The following KDM4C variants were observed in gnomAD, a reference collection of about 807,000 sequenced individuals.
The protein encoded by KDM4C is lysine-specific demethylase 4C.
KDM4C carries 81 observed loss-of-function variants against 129.3 expected under a neutral mutation model. The ratio of observed to expected loss-of-function variants is 0.63; its 90% CI spans 0.52 to 0.75. The LOEUF (loss-of-function observed/expected upper bound fraction) is 0.75. Ranked by LOEUF, KDM4C falls within the 30% of genes least tolerant of loss-of-function variation. The pLI, the probability that KDM4C is intolerant of heterozygous loss-of-function variation, is 0.00. For synonymous variants in KDM4C, 573 were observed against 456.1 expected (o/e 1.26, Z -3.26); for missense variants, 1,457 against 1,304.0 (o/e 1.12, Z -1.81).
chr9:6,839,164 A>C (rs1470619722), intron 4 of KDM4C, among the ~76,000 whole-genome samples: 1 of 152,196 alleles, frequency 6.6e-6, no homozygotes, highest in Non-Finnish European at 1.5e-5. Flanking sequence ...AAAGTCTTCT[A>C]ATGTGGGCTT....
intron 19 of KDM4C, among the ~76,000 whole-genome samples, chr9:7,152,762 CGA>C (rs1842835767): frequency 6.6e-6 from 1 of 152,068 alleles, no homozygotes; most frequent in Admixed American, 6.5e-5. Flanking sequence ...TGGAAGGAGG[CGA>C]AGGAACATGG....
At chr9:7,131,340 C>G (rs1840612303) in intron 19 of KDM4C, among the ~76,000 whole-genome samples, 1 of 152,204 alleles carries the variant, frequency 6.6e-6, no homozygotes, top group African/African-American at 2.4e-5. Flanking sequence ...CCTCAGCTCA[C>G]TATTGCTGAC....
At chr9:7,015,257 A>G (rs1364298271) in intron 14 of KDM4C, among the ~76,000 whole-genome samples, 1 of 152,132 alleles carries the variant, frequency 6.6e-6, no homozygotes, top group Non-Finnish European at 1.5e-5. Flanking sequence ...TCATTTAAAT[A>G]TTTCAGAATT....
intron 8 of KDM4C, among the ~76,000 whole-genome samples, chr9:6,962,141 AAAG>A (rs1333344766): frequency 1.3e-5 from 2 of 152,234 alleles, no homozygotes; most frequent in Non-Finnish European, 2.9e-5. Flanking sequence ...TTGATTGAAA[AAAG>A]CAATAGGAGT....
At chr9:7,056,350 C>A (rs199586356) in intron 17 of KDM4C, among the ~76,000 whole-genome samples, 44 of 147,552 alleles carry the variant, frequency 3.0e-4, no homozygotes, top group South Asian at 4.3e-4. Context: ...AAGTGTAGTG[C>A]AAAAAAAAAA....
intron 8 of KDM4C, among the ~76,000 whole-genome samples, chr9:6,940,738 T>C (rs771350242): frequency 8.5e-5 from 13 of 152,230 alleles, no homozygotes; most frequent in Non-Finnish European, 1.5e-4. Context: ...TAAGTATCCA[T>C]ATATCATAAG....
chr9:6,816,931 G>A (rs1438350260), intron 4 of KDM4C, among the ~76,000 whole-genome samples: 2 of 151,416 alleles, frequency 1.3e-5, no homozygotes, highest in Non-Finnish European at 2.9e-5. Context: ...TCCTGCGTAT[G>A]AGGTAGTAGC....
chr9:6,750,654 G>T (rs1239021835), intron 1 of KDM4C, among the ~76,000 whole-genome samples: 1 of 152,210 alleles, frequency 6.6e-6, no homozygotes, highest in African/African-American at 2.4e-5. Flanking sequence ...ACACTGAGGA[G>T]AAAAGTAATA....
rs139862474 is a variant in KDM4C, at chr9:6,806,078, G to A, written c.320+304G>A. Among the ~76,000 whole-genome samples the A allele has an allele frequency of 3.3e-4, 51 of 152,306 alleles. No homozygotes were observed. The East Asian group carries it at 4.6e-3, about 14-fold the overall frequency. On this transcript the variant is annotated intron_variant, in intron 3 of 21. Transcript: ENST00000381309. Reference sequence around the variant, plus strand: ...GTTTGTTGGGCAGTTTTTTTGGTGTGTGTTTGATAATGTTTAAGCCTTAAA... The same window carrying A: ...GTTTGTTGGGCAGTTTTTTTGGTGTATGTTTGATAATGTTTAAGCCTTAAA...
At chr9:6,938,877 A>G (rs1658533531) in intron 8 of KDM4C, among the ~76,000 whole-genome samples, 1 of 152,150 alleles carries the variant, frequency 6.6e-6, no homozygotes, top group South Asian at 2.1e-4. Flanking sequence ...GTTCTTTCAT[A>G]GAGGTTAACT....
chr9:6,761,721 G>A (rs541433155), intron 1 of KDM4C, among the ~76,000 whole-genome samples: 1 of 152,166 alleles, frequency 6.6e-6, no homozygotes, highest in East Asian at 1.9e-4. Context: ...GGTACATTCT[G>A]TACTTTGATT....
intron 19 of KDM4C, among the ~76,000 whole-genome samples, chr9:7,146,858 T>A (rs781759925): frequency 2.0e-5 from 3 of 152,198 alleles, no homozygotes; most frequent in Non-Finnish European, 4.4e-5. Flanking sequence ...CCTCTGTAGT[T>A]CTGTGTTCTG....
chr9:7,102,404 G>A (rs1384863184), intron 17 of KDM4C, among the ~76,000 whole-genome samples: 1 of 145,812 alleles, frequency 6.9e-6, no homozygotes, highest in Non-Finnish European at 1.5e-5. Flanking sequence ...GGTGACATGA[G>A]ATTCGTGTTG....
chr9:7,015,395 A>G (rs572713116), intron 14 of KDM4C, among the ~76,000 whole-genome samples: 3 of 152,272 alleles, frequency 2.0e-5, no homozygotes, highest in Admixed American at 2.0e-4. Flanking sequence ...AGACAAATCG[A>G]ATTGAAAATA....
chr9:7,165,929 C>A (rs1374507147), intron 20 of KDM4C, among the ~76,000 whole-genome samples: 2 of 152,022 alleles, frequency 1.3e-5, no homozygotes, highest in African/African-American at 2.4e-5. Context: ...ACCAGGGAAC[C>A]CTACGTAGTA....
At chr9:6,923,275 C>T (rs1467945523) in intron 8 of KDM4C, among the ~76,000 whole-genome samples, 1 of 151,748 alleles carries the variant, frequency 6.6e-6, no homozygotes, top group Non-Finnish European at 1.5e-5. Flanking sequence ...GAATGTTGCA[C>T]TGTTGCTGCA....
intron 1 of KDM4C, among the ~76,000 whole-genome samples, chr9:6,721,357 C>T (rs1271512821): frequency 1.4e-5 from 2 of 145,812 alleles, no homozygotes; most frequent in Admixed American, 7.0e-5. Context: ...AATCTGGGCT[C>T]ACTGCAACCT....
At chr9:6,904,982 A>G (rs1376434920) in intron 8 of KDM4C, among the ~76,000 whole-genome samples, 4 of 151,172 alleles carry the variant, frequency 2.6e-5, no homozygotes, top group Non-Finnish European at 5.9e-5. Context: ...AAAAATCCTC[A>G]GCACAACAAA....
At chr9:6,785,210 C>G (rs1387819993) in intron 1 of KDM4C, among the ~76,000 whole-genome samples, 1 of 152,232 alleles carries the variant, frequency 6.6e-6, no homozygotes, top group Non-Finnish European at 1.5e-5. Context: ...AATCTGCTTA[C>G]AGCCTTTGTT....
Sources: gnomAD v4.1 joint callset for allele counts (sites outside exome capture counted in the v4.1 genomes callset) on GRCh38, gnomAD v4.1.1 for gene constraint, MANE v1.5 for transcripts, NCBI Gene and HGNC (gene_info 2026-07-23, HGNC 2026-07-21) for gene names.